CNTNAP5: variants seen among roughly 807,000 people sequenced by gnomAD.
CNTNAP5 encodes contactin associated protein family member 5.
In CNTNAP5, 72 loss-of-function variants were observed where a neutral mutation model predicts 150.2. The observed-to-expected ratio is 0.48, with a 90% CI of 0.40 to 0.58. The LOEUF (loss-of-function observed/expected upper bound fraction) is 0.58, where lower values mean the gene tolerates loss of function less well. Ranked by LOEUF, CNTNAP5 falls within the 20% of genes least tolerant of loss-of-function variation. The pLI is 0.00. For missense variants in CNTNAP5, 1,636 were observed against 1,626.2 expected, an observed-to-expected ratio of 1.01 and a Z score of -0.10; for synonymous variants, 672 against 619.8, an observed-to-expected ratio of 1.08 and a Z score of -1.25.
intron 13 of CNTNAP5, among the ~76,000 whole-genome samples, chr2:124,653,179 T>A (rs1317716234): frequency 6.6e-6 from 1 of 152,052 alleles, no homozygotes; most frequent in African/African-American, 2.4e-5. Flanking sequence ...CAGCTGAGAG[T>A]GGTTTCTACC....
chr2:124,618,969 T>G (rs1677547316), intron 12 of CNTNAP5, among the ~76,000 whole-genome samples: 1 of 152,086 alleles, frequency 6.6e-6, no homozygotes, highest in Non-Finnish European at 1.5e-5. Flanking sequence ...AATAAGATAT[T>G]TAGAAAATGA....
chr2:124,260,454 T>C (rs1687424725), intron 3 of CNTNAP5, among the ~76,000 whole-genome samples: 1 of 152,172 alleles, frequency 6.6e-6, no homozygotes, highest in Non-Finnish European at 1.5e-5. Flanking sequence ...GACATAGGAA[T>C]GGGCAAGGAC....
intron 1 of CNTNAP5, among the ~76,000 whole-genome samples, chr2:124,123,558 G>T (rs1413723069): frequency 6.6e-6 from 1 of 152,116 alleles, no homozygotes; most frequent in African/African-American, 2.4e-5. Flanking sequence ...GAGAGTAGTG[G>T]TTCTCCCAAC....
At chr2:124,235,015 C>G (rs148543449) in intron 2 of CNTNAP5, among the ~76,000 whole-genome samples, 1 of 152,022 alleles carries the variant, frequency 6.6e-6, no homozygotes, top group Non-Finnish European at 1.5e-5. Context: ...ATTATTGAGG[C>G]GGTGGTCTCT....
intron 11 of CNTNAP5, among the ~76,000 whole-genome samples, chr2:124,600,731 CAGAGAGAGAGAGAG>C (rs374118230): frequency 5.6e-5 from 7 of 124,058 alleles, no homozygotes; most frequent in Admixed American, 1.7e-4. Flanking sequence ...CAACAATACT[CAGAGAGAGAGAGAG>C]AGAGAGAGAG....
chr2:124,376,978 G>T (rs1312402130), intron 3 of CNTNAP5, among the ~76,000 whole-genome samples: 2 of 152,060 alleles, frequency 1.3e-5, no homozygotes, highest in Non-Finnish European at 2.9e-5. Context: ...AGGTTTTGGG[G>T]ATGTGAGCCT....
chr2:124,859,458 G>A (rs532140474), intron 19 of CNTNAP5, among the ~76,000 whole-genome samples: 1 of 152,228 alleles, frequency 6.6e-6, no homozygotes. Flanking sequence ...TACACTGTTG[G>A]TGGGACTATA....
At chr2:124,176,982 C>T (rs890427683) in intron 1 of CNTNAP5, among the ~76,000 whole-genome samples, 3 of 151,330 alleles carry the variant, frequency 2.0e-5, no homozygotes, top group South Asian at 2.1e-4. Flanking sequence ...ACAGCTGGAA[C>T]GACAGGCCAT....
chr2:124,156,805 T>C (rs1205956472), intron 1 of CNTNAP5, among the ~76,000 whole-genome samples: 1 of 152,170 alleles, frequency 6.6e-6, no homozygotes, highest in Non-Finnish European at 1.5e-5. Context: ...GCCTAATTTT[T>C]GAGAGTTCAC....
chr2:124,147,208 A>T (rs1027406364), intron 1 of CNTNAP5, among the ~76,000 whole-genome samples: 7 of 152,206 alleles, frequency 4.6e-5, no homozygotes, highest in Non-Finnish European at 7.3e-5. Context: ...TGAGAGCCTC[A>T]GCCAGAACAT....
chr2:124,715,389 G>C (rs1558747865), intron 13 of CNTNAP5, among the ~76,000 whole-genome samples: 1 of 151,992 alleles, frequency 6.6e-6, no homozygotes, highest in Non-Finnish European at 1.5e-5. Flanking sequence ...GGGTTATTTT[G>C]GTTCAGACTC....
chr2:124,453,764 T>A (rs1369983659), intron 6 of CNTNAP5, among the ~76,000 whole-genome samples: 2 of 152,158 alleles, frequency 1.3e-5, no homozygotes, highest in Non-Finnish European at 2.9e-5. Flanking sequence ...CAGCCAAGAA[T>A]TTTTACCCAG....
chr2:124,623,258 C>T (rs1330488624), intron 12 of CNTNAP5, among the ~76,000 whole-genome samples: 2 of 152,092 alleles, frequency 1.3e-5, no homozygotes, highest in African/African-American at 4.8e-5. Context: ...TTCAGCTTTC[C>T]CCATCGTGAT....
At chr2:124,326,481 A>C (rs1010166517) in intron 3 of CNTNAP5, among the ~76,000 whole-genome samples, 1 of 152,208 alleles carries the variant, frequency 6.6e-6, no homozygotes, top group African/African-American at 2.4e-5. Context: ...AGAGAAAAAA[A>C]CAAAATAATA....
intron 19 of CNTNAP5, among the ~76,000 whole-genome samples, chr2:124,856,759 C>T (rs1222795304): frequency 1.3e-5 from 2 of 152,164 alleles, no homozygotes; most frequent in African/African-American, 4.8e-5. Flanking sequence ...ATAGATCCAA[C>T]ATATCCTACT....
chr2:124,592,241 C>T (rs1696702176), intron 11 of CNTNAP5, among the ~76,000 whole-genome samples: 1 of 151,988 alleles, frequency 6.6e-6, no homozygotes, highest in South Asian at 2.1e-4. Context: ...GATCACTAGA[C>T]ATGGTGTTTC....
chr2:124,829,404 C>T (rs1682666855), intron 19 of CNTNAP5, among the ~76,000 whole-genome samples: 1 of 152,100 alleles, frequency 6.6e-6, no homozygotes, highest in Admixed American at 6.6e-5. Flanking sequence ...AGGAATTGGG[C>T]AGCATGCTTA....
intron 3 of CNTNAP5, among the ~76,000 whole-genome samples, chr2:124,341,522 C>T (rs1181698592): frequency 2.0e-5 from 3 of 152,128 alleles, no homozygotes; most frequent in African/African-American, 7.2e-5. Flanking sequence ...TTAAACAAGC[C>T]TTCCATTTCT....
intron 3 of CNTNAP5, among the ~76,000 whole-genome samples, chr2:124,383,040 C>T (rs768848653): frequency 9.2e-5 from 14 of 152,144 alleles, no homozygotes; most frequent in Non-Finnish European, 1.9e-4. Context: ...CTTTGCTTTG[C>T]TACCTTCTGC....
Sources: allele counts gnomAD v4.1 joint callset (sites outside exome capture counted in the v4.1 genomes callset), GRCh38; gene constraint gnomAD v4.1.1; transcripts MANE v1.5; gene names NCBI Gene and HGNC (gene_info 2026-07-23, HGNC 2026-07-21).